Variants in PLCL2 observed in about 807,000 individuals in gnomAD.
The protein encoded by PLCL2 is inactive phospholipase C-like protein 2.
In PLCL2, 4 loss-of-function variants were observed where a neutral mutation model predicts 79.6. The ratio of observed to expected loss-of-function variants is 0.05; its 90% CI spans 0.02 to 0.11. PLCL2 has a LOEUF of 0.11. PLCL2 is among the 10% of genes least tolerant of loss of function. PLCL2 has a pLI of 1.00. For missense variants in PLCL2, 895 were observed against 1,291.0 expected, an observed-to-expected ratio of 0.69 and a Z score of 4.70; for synonymous variants, 484 against 457.7, an observed-to-expected ratio of 1.06 and a Z score of -0.73.
chr3:17,000,562 A>G (rs1048335174), intron 1 of PLCL2, among the ~76,000 whole-genome samples: 24 of 152,028 alleles, frequency 1.6e-4, no homozygotes, highest in Non-Finnish European at 2.9e-4. Flanking sequence ...TATACCCATT[A>G]ACCATCTTCT....
At chr3:16,941,047 G>A (rs149813477) in intron 1 of PLCL2, among the ~76,000 whole-genome samples, 23 of 152,302 alleles carry the variant, frequency 1.5e-4, no homozygotes, top group African/African-American at 5.3e-4. Context: ...CCTGCCTGCA[G>A]CTTTCCTCTC....
In PLCL2 at chr3:17,038,985, A is replaced by G. The variant is rs1389211595; in HGVS notation, c.3019-3889A>G. Among the ~76,000 whole-genome samples the G allele has an allele frequency of 2.0e-5, 3 of 152,198 alleles. No homozygotes were observed. The East Asian group carries it at 5.8e-4, about 29-fold the overall frequency. The stretch of plus-strand genomic sequence containing the variant: ...ACCAGATTACCTTGAAAGGTTGCTT[A>G]TGTTTCAGGTAGGTCTTCAGTGTTC... On this transcript the variant is annotated intron_variant, in intron 3 of 5. Coordinates refer to ENST00000615277, the MANE Select transcript of PLCL2 (RefSeq NM_001144382.2).
At chr3:17,081,755 T>A (rs2065164467) in intron 5 of PLCL2, among the ~76,000 whole-genome samples, 1 of 152,188 alleles carries the variant, frequency 6.6e-6, no homozygotes, top group African/African-American at 2.4e-5. Context: ...AGCCACAGGC[T>A]CAGCCAGAAA....
chr3:17,014,782 G>T lies in PLCL2; in HGVS notation c.2889G>T (p.Val963=). ...ATCTCATGCAGTGCATGTTGGCGGT[G>T]TCTCCCCGCTTTCTGGGGCCCGATA... is the stretch of plus-strand genomic sequence containing the variant. ...VANLMQCMLA[V]SPRFLGPDNT... is the part of the protein sequence containing the mutation. Residue 963 remains valine, a synonymous_variant, in exon 3 of 6, where the codon GTG becomes GTT. Transcript: ENST00000615277. 6.2e-7 allele frequency: 1 copy of T among 1,614,164 alleles called. No homozygotes were observed. The highest frequency in any genetic ancestry group is 8.5e-7 in the Non-Finnish European group (1 of 1,180,000).
At chr3:16,926,953 G>A (rs1345192455) in intron 1 of PLCL2, among the ~76,000 whole-genome samples, 1 of 152,044 alleles carries the variant, frequency 6.6e-6, no homozygotes, top group Non-Finnish European at 1.5e-5. Flanking sequence ...GGCTAAGGAA[G>A]AACGGGAAGT....
intron 1 of PLCL2, among the ~76,000 whole-genome samples, chr3:16,940,050 G>A (rs1235274025): frequency 1.3e-5 from 2 of 152,112 alleles, no homozygotes; most frequent in Non-Finnish European, 2.9e-5. Flanking sequence ...AGGAGACCAT[G>A]GAAAGTAAGA....
At chr3:16,958,807 A>G (rs1267288955) in intron 1 of PLCL2, among the ~76,000 whole-genome samples, 1 of 152,196 alleles carries the variant, frequency 6.6e-6, no homozygotes, top group Admixed American at 6.5e-5. Flanking sequence ...CTGTGTCAGG[A>G]GCAATGATGA....
At chr3:17,019,702 A>G (rs913289694) in intron 3 of PLCL2, among the ~76,000 whole-genome samples, 10 of 152,240 alleles carry the variant, frequency 6.6e-5, no homozygotes, top group Non-Finnish European at 1.3e-4. Context: ...TGCACTTAAA[A>G]TAAAGAAAAC....
intron 4 of PLCL2, among the ~76,000 whole-genome samples, chr3:17,045,198 A>C (rs1486814886): frequency 6.6e-6 from 1 of 152,194 alleles, no homozygotes; most frequent in Admixed American, 6.5e-5. Context: ...AGTAATTGTT[A>C]TTCTGCTTGC....
chr3:16,981,598 C>T (rs1010202947), intron 1 of PLCL2, among the ~76,000 whole-genome samples: 7 of 152,146 alleles, frequency 4.6e-5, no homozygotes, highest in East Asian at 1.9e-4. Flanking sequence ...ATTCTTATTT[C>T]GTTTGCAGCA....
chr3:17,059,044 T>C (rs767828428), intron 4 of PLCL2, among the ~76,000 whole-genome samples: 2 of 152,170 alleles, frequency 1.3e-5, no homozygotes, highest in Non-Finnish European at 2.9e-5. Flanking sequence ...TTCCAACCAA[T>C]AATTCCATTG....
rs56965342 is a variant in PLCL2, at chr3:16,931,157, A to ATT, written c.327+45801_327+45802dup. On this transcript the variant is annotated intron_variant, in intron 1 of 5. Coordinates refer to ENST00000615277, the MANE Select transcript of PLCL2 (RefSeq NM_001144382.2). ...CACTTCTTCCTCTGGATTGCCATTT[A>ATT]TTTTTTTTTTTAACTCTAATGCTCA... Among the ~76,000 whole-genome samples, 250 of 147,440 alleles carry ATT rather than the reference A, an allele frequency of 1.7e-3. 1 individual carries two copies. The highest frequency in any genetic ancestry group is 4.8e-3 in the African/African-American group (193 of 40,142).
chr3:16,965,821 TTGTC>T (rs2063801188), intron 1 of PLCL2, among the ~76,000 whole-genome samples: 1 of 151,252 alleles, frequency 6.6e-6, no homozygotes, highest in South Asian at 2.1e-4. Context: ...GGCTCTCTGT[TTGTC>T]TGTTATTGGT....
At chr3:16,885,505 G>T in intron 1 of PLCL2, 139 bp downstream of exon 1, 1 of 481,542 alleles carries the variant, frequency 2.1e-6, no homozygotes. Context: ...GTGGTTGAGC[G>T]GGGATTGGAT....
chr3:17,058,917 G>T (rs1184304299), intron 4 of PLCL2, among the ~76,000 whole-genome samples: 2 of 152,134 alleles, frequency 1.3e-5, no homozygotes, highest in African/African-American at 4.8e-5. Context: ...CAATGGATTG[G>T]TAAGGATATC....
At chr3:17,033,920 C>A (rs1032587091) in intron 3 of PLCL2, among the ~76,000 whole-genome samples, 2 of 152,104 alleles carry the variant, frequency 1.3e-5, no homozygotes, top group African/African-American at 4.8e-5. Context: ...TGCCCCTAAC[C>A]CACTTTCCTT....
chr3:17,028,408 T>G (rs183145059), intron 3 of PLCL2, among the ~76,000 whole-genome samples: 4 of 152,316 alleles, frequency 2.6e-5, no homozygotes, highest in Admixed American at 2.0e-4. Context: ...TACTGTTGTT[T>G]ATGCTATTCA....
chr3:16,904,077 A>G (rs1281914810), intron 1 of PLCL2, among the ~76,000 whole-genome samples: 3 of 151,888 alleles, frequency 2.0e-5, no homozygotes, highest in African/African-American at 7.3e-5. Context: ...TAGTCCTGTG[A>G]AGGAGGAGCA....
intron 5 of PLCL2, among the ~76,000 whole-genome samples, chr3:17,075,901 A>G (rs555589321): frequency 2.0e-5 from 3 of 152,224 alleles, no homozygotes; most frequent in Admixed American, 6.5e-5. Flanking sequence ...GATATAACAC[A>G]TTTTGTTTAT....
Sources: gnomAD v4.1 joint callset for allele counts (sites outside exome capture counted in the v4.1 genomes callset) on GRCh38, gnomAD v4.1.1 for gene constraint, MANE v1.5 for transcripts, NCBI Gene and HGNC (gene_info 2026-07-23, HGNC 2026-07-21) for gene names.